Variants in ENOX2 observed in about 807,000 individuals in gnomAD.
ENOX2 encodes ecto-NOX disulfide-thiol exchanger 2.
In ENOX2, 36 loss-of-function variants were observed where a neutral mutation model predicts 45.0. The ratio of observed to expected loss-of-function variants is 0.80; its 90% confidence interval spans 0.61 to 1.06. The LOEUF is 1.06. Ranked by LOEUF, ENOX2 falls within the 50% of genes least tolerant of loss-of-function variation. The pLI is 0.00. For synonymous variants in ENOX2, 174 were observed against 152.3 expected (o/e 1.14, Z -1.05); for missense variants, 423 against 462.5 (o/e 0.91, Z 0.78).
intron 2 of ENOX2, among the ~76,000 whole-genome samples, chrX:130,830,524 T>C (rs1373681281): frequency 2.7e-5 from 3 of 111,696 alleles, no homozygotes; most frequent in Non-Finnish European, 3.8e-5. Flanking sequence ...TCTATCTATA[T>C]TCTGTGTTGT....
chrX:130,795,608 T>C (rs994846864), intron 2 of ENOX2, among the ~76,000 whole-genome samples: 1 of 111,864 alleles, frequency 8.9e-6, no homozygotes, highest in Non-Finnish European at 1.9e-5. Context: ...GATAGTTTTT[T>C]TTCCTCAAGA....
At chrX:130,635,203 C>T (rs943407712) in intron 11 of ENOX2, 112 bp from the exon 12 acceptor site, 1 of 407,184 alleles carries the variant, frequency 2.5e-6, no homozygotes, top group Non-Finnish European at 4.1e-6. Flanking sequence ...TCCTCCAGCA[C>T]ACACGACCAT....
intron 2 of ENOX2, among the ~76,000 whole-genome samples, chrX:130,881,990 T>C (rs1158781462): frequency 8.9e-6 from 1 of 111,738 alleles, no homozygotes; most frequent in Non-Finnish European, 1.9e-5. Flanking sequence ...GGTTATGTGC[T>C]AAGAGACAAG....
intron 2 of ENOX2, among the ~76,000 whole-genome samples, chrX:130,820,688 T>C (rs931266040): frequency 8.9e-6 from 1 of 112,629 alleles, no homozygotes; most frequent in Admixed American, 9.4e-5. Context: ...GAACATTACG[T>C]TAAGTGAAAT....
In ENOX2 at chrX:130,803,125, AT is replaced by A. The variant is rs777610872; in HGVS notation, c.-182-19436del. ...CAAAATATTTGTTGGATCATGTAAT[AT>A]TTTTAAAAGTGAATAATTTATAAAA... On this transcript the variant is annotated intron_variant, in intron 2 of 14. Coordinates refer to ENST00000394363, the MANE Select transcript of ENOX2 (RefSeq NM_006375.4). Among the ~76,000 whole-genome samples, 567 of 112,268 alleles carry A rather than the reference AT, an allele frequency of 5.1e-3. 2 individuals are homozygous for A. The highest frequency in any genetic ancestry group is 8.4e-3 in the Non-Finnish European group (448 of 53,155).
chrX:130,749,801 T>C (rs1160084549), intron 3 of ENOX2, among the ~76,000 whole-genome samples: 1 of 110,123 alleles, frequency 9.1e-6, no homozygotes, highest in Non-Finnish European at 1.9e-5. Flanking sequence ...TTTGTCTCTC[T>C]GCTTGCATTT....
intron 2 of ENOX2, among the ~76,000 whole-genome samples, chrX:130,815,552 G>A (rs2077468710): frequency 8.9e-6 from 1 of 112,287 alleles, no homozygotes. Context: ...GCAGATCTCT[G>A]CAGAAGCTCT....
At chrX:130,796,563 A>G (rs1213858678) in intron 2 of ENOX2, among the ~76,000 whole-genome samples, 1 of 112,180 alleles carries the variant, frequency 8.9e-6, no homozygotes. Flanking sequence ...ATAACATAGT[A>G]TTGGGATAAA....
At chrX:130,715,431 G>A (rs1039692880) in intron 3 of ENOX2, among the ~76,000 whole-genome samples, 4 of 111,943 alleles carry the variant, frequency 3.6e-5, no homozygotes, top group Non-Finnish European at 7.5e-5. Flanking sequence ...GGCCCCTTTC[G>A]TGCTTCTTTA....
intron 10 of ENOX2, among the ~76,000 whole-genome samples, chrX:130,640,303 CG>C (rs1309093053): frequency 3.6e-5 from 4 of 112,344 alleles, no homozygotes; most frequent in Non-Finnish European, 5.6e-5. Context: ...GAAAAAGGAA[CG>C]CTTTTACACT....
At chrX:130,793,475 C>T (rs1402248687) in intron 2 of ENOX2, among the ~76,000 whole-genome samples, 2 of 112,171 alleles carry the variant, frequency 1.8e-5, no homozygotes, top group African/African-American at 6.5e-5. Flanking sequence ...AACTGTCCAA[C>T]ATGAAAGAAT....
At chrX:130,729,842 C>T (rs1290511206) in intron 3 of ENOX2, among the ~76,000 whole-genome samples, 2 of 111,936 alleles carry the variant, frequency 1.8e-5, no homozygotes, top group Non-Finnish European at 3.8e-5. Flanking sequence ...TAGCAGCTTT[C>T]GATAAAGAAT....
At chrX:130,776,752 A>C (rs1048140899) in intron 3 of ENOX2, among the ~76,000 whole-genome samples, 2 of 111,988 alleles carry the variant, frequency 1.8e-5, no homozygotes, top group Non-Finnish European at 3.8e-5. Flanking sequence ...GCTTGAATGG[A>C]GTGGCCTTAA....
intron 5 of ENOX2, among the ~76,000 whole-genome samples, chrX:130,684,390 G>T (rs2037390506): frequency 8.9e-6 from 1 of 112,171 alleles, no homozygotes; most frequent in African/African-American, 3.2e-5. Flanking sequence ...CTGGTAGTCT[G>T]TCCTCTATAC....
chrX:130,822,734 A>T (rs970023302), intron 2 of ENOX2, among the ~76,000 whole-genome samples: 8 of 111,203 alleles, frequency 7.2e-5, no homozygotes, highest in Non-Finnish European at 1.3e-4. Flanking sequence ...ATATGTAACA[A>T]ACCTGCACGT....
intron 2 of ENOX2, among the ~76,000 whole-genome samples, chrX:130,897,848 A>G (rs1227360746): frequency 9.0e-6 from 1 of 111,712 alleles, no homozygotes; most frequent in Non-Finnish European, 1.9e-5. Flanking sequence ...TAGATTTGTG[A>G]TTTACAAAAA....
chrX:130,623,290 G>T lies in ENOX2; in HGVS notation c.*2024C>A, dbSNP rs936078943. Reference sequence around the variant, plus strand: ...ATGTAAGTTGATTAAGTGAAGGAGAGTAAGGTATTTAGGTGTGGCAGCTGT... The same window carrying T: ...ATGTAAGTTGATTAAGTGAAGGAGATTAAGGTATTTAGGTGTGGCAGCTGT... On this transcript the variant is annotated 3_prime_UTR_variant, in exon 15 of 15. Transcript: ENST00000394363. 1.8e-5 allele frequency: 2 copies of T among 111,555 alleles called. No individual in the cohort carries two copies. Among genetic ancestry groups the T allele is most frequent in the Non-Finnish European group, 3.8e-5 (2 of 53,140 alleles). 9.2% of individuals were successfully genotyped at this position (111,555 alleles called of 1,213,427 possible).
At chrX:130,884,230 G>A (rs1180228969) in intron 2 of ENOX2, among the ~76,000 whole-genome samples, 4 of 112,088 alleles carry the variant, frequency 3.6e-5, no homozygotes, top group African/African-American at 9.7e-5. Context: ...AATAATATGA[G>A]GACAGATTTA....
intron 6 of ENOX2, among the ~76,000 whole-genome samples, chrX:130,678,525 C>T (rs2037213733): frequency 9.2e-6 from 1 of 108,720 alleles, no homozygotes; most frequent in African/African-American, 3.4e-5. Flanking sequence ...ATACCAAGTC[C>T]ATTTTCATCT....
Sources: gnomAD v4.1 joint callset for allele counts (sites outside exome capture counted in the v4.1 genomes callset) on GRCh38, gnomAD v4.1.1 for gene constraint, MANE v1.5 for transcripts, NCBI Gene and HGNC (gene_info 2026-07-23, HGNC 2026-07-21) for gene names.